Variants in NEK7 observed in about 807,000 individuals in gnomAD.
The protein encoded by NEK7 is NIMA related kinase 7.
Under a neutral mutation model 44.6 loss-of-function variants are expected in NEK7, and 18 were observed. That is an observed-to-expected ratio of 0.40 (90% CI 0.28 to 0.60). NEK7 has a LOEUF of 0.60. NEK7 is among the 20% of genes least tolerant of loss of function. The pLI is 0.38. For missense variants in NEK7, 256 were observed against 366.5 expected, an observed-to-expected ratio of 0.70 and a Z score of 2.46; for synonymous variants, 130 against 121.1, an observed-to-expected ratio of 1.07 and a Z score of -0.48.
Position 198,319,245 on chromosome 1 carries a change from G to A in NEK7, c.799-167G>A, listed in dbSNP as rs1655466339. On this transcript the variant is annotated intron_variant, in intron 9 of 9. Coordinates refer to ENST00000367385, the MANE Select transcript of NEK7 (RefSeq NM_133494.3). ...CACTTCATAGAACATTTAACTTATT[G>A]TAAGATCATTGGCAGCAGTCTTATA... 2.0e-5 allele frequency among the ~76,000 whole-genome samples: 3 copies of A among 152,280 alleles called. No homozygotes were observed. In the South Asian group the frequency reaches 6.2e-4, roughly 32 times the overall value.
At chr1:198,174,110 C>G (rs760326178) in intron 1 of NEK7, among the ~76,000 whole-genome samples, 4 of 152,284 alleles carry the variant, frequency 2.6e-5, no homozygotes, top group Non-Finnish European at 4.4e-5. Flanking sequence ...CCTAGGTTAA[C>G]TTTGCACCAT....
At position 198,280,301 on chromosome 1, in the gene NEK7, C is replaced by T. The variant is rs180839715; in HGVS notation, c.589+1240C>T. 1.3e-3 allele frequency among the ~76,000 whole-genome samples: 195 copies of T among 152,182 alleles called. 1 individual carries two copies. The highest frequency in any genetic ancestry group is 1.2e-3 in the Non-Finnish European group (80 of 67,974). Reference sequence around the variant, plus strand: ...ATCACTAGTAGATAGCATGTTTTCACTTTATATTACTCATCTGAATAGAAG... The same window carrying T: ...ATCACTAGTAGATAGCATGTTTTCATTTTATATTACTCATCTGAATAGAAG... On this transcript the variant is annotated intron_variant, in intron 7 of 9. Transcript: ENST00000367385.
At chr1:198,195,012 T>C (rs1168267380) in intron 1 of NEK7, among the ~76,000 whole-genome samples, 1 of 152,188 alleles carries the variant, frequency 6.6e-6, no homozygotes, top group Non-Finnish European at 1.5e-5. Context: ...GCCTTTTGAC[T>C]TTTTAATAGT....
chr1:198,287,859 T>C (rs1028535984), intron 7 of NEK7, among the ~76,000 whole-genome samples: 3 of 152,248 alleles, frequency 2.0e-5, no homozygotes, highest in African/African-American at 7.2e-5. Context: ...TGTTTACCTT[T>C]CTCAGTGAGA....
intron 2 of NEK7, among the ~76,000 whole-genome samples, chr1:198,235,352 A>G (rs562736290): frequency 9.2e-5 from 14 of 152,050 alleles, no homozygotes; most frequent in Non-Finnish European, 1.8e-4. Flanking sequence ...AATTTTTTCT[A>G]TCAGCTCCAC....
At chr1:198,200,689 T>C (rs1665404887) in intron 1 of NEK7, among the ~76,000 whole-genome samples, 1 of 152,100 alleles carries the variant, frequency 6.6e-6, no homozygotes, top group Non-Finnish European at 1.5e-5. Flanking sequence ...TAGCTGGGAC[T>C]ACAGGCATGT....
At chr1:198,163,904 CAT>C (rs1317664264) in intron 1 of NEK7, among the ~76,000 whole-genome samples, 1 of 152,086 alleles carries the variant, frequency 6.6e-6, no homozygotes, top group Non-Finnish European at 1.5e-5. Flanking sequence ...TGTTGAATGA[CAT>C]ATTGTTTTCA....
At chr1:198,294,799 G>C (rs1571611384) in intron 8 of NEK7, among the ~76,000 whole-genome samples, 1 of 152,086 alleles carries the variant, frequency 6.6e-6, no homozygotes, top group Admixed American at 6.5e-5. Flanking sequence ...GCTAATGTTA[G>C]TTTTCATCTC....
intron 1 of NEK7, among the ~76,000 whole-genome samples, chr1:198,209,697 C>T (rs750850737): frequency 2.6e-5 from 4 of 152,036 alleles, no homozygotes; most frequent in Non-Finnish European, 2.9e-5. Context: ...GATGGAGTCT[C>T]GCTATGTTGC....
In NEK7 at chr1:198,253,077, C is replaced by G. The variant is rs200781170; in HGVS notation, c.95C>G (p.Ala32Gly). Residue 32 changes from alanine to glycine, a missense_variant, in exon 3 of 10, where the codon GCC becomes GGC. This residue lies in a region of NEK7 where 96 missense variants were observed against 94.9 expected (regional missense o/e 1.01). Transcript: ENST00000367385. ...CCGGATATGGGCTATAATACATTAG[C>G]CAACTTTCGAATAGAAAAGAAAATT... ...LRPDMGYNTL[A>G]NFRIEKKIGR... 1 of 1,612,138 alleles carries G rather than the reference C, an allele frequency of 6.2e-7. No individual in the cohort carries two copies. Among genetic ancestry groups the G allele is most frequent in the Admixed American group, 1.7e-5 (1 of 59,866 alleles).
intron 7 of NEK7, among the ~76,000 whole-genome samples, chr1:198,280,021 A>G (rs766537654): frequency 3.0e-4 from 46 of 152,196 alleles, no homozygotes; most frequent in South Asian, 1.0e-3. Flanking sequence ...CAATTTTGTC[A>G]AATATTTTGA....
intron 2 of NEK7, 108 bp from the exon 3 acceptor site, chr1:198,252,932 C>T: frequency 1.1e-6 from 1 of 893,176 alleles, no homozygotes; most frequent in Non-Finnish European, 1.7e-6. Context: ...GAATGGATGT[C>T]TGCAAACTTA....
intron 1 of NEK7, among the ~76,000 whole-genome samples, chr1:198,217,342 A>G (rs539211243): frequency 4.6e-5 from 7 of 152,246 alleles, no homozygotes; most frequent in East Asian, 1.9e-4. Flanking sequence ...AAACAAAACC[A>G]TATAATCATC....
At chr1:198,304,359 T>G (rs1654969556) in intron 9 of NEK7, among the ~76,000 whole-genome samples, 1 of 152,220 alleles carries the variant, frequency 6.6e-6, no homozygotes, top group Non-Finnish European at 1.5e-5. Flanking sequence ...GTGTACAAGT[T>G]GGATACGCCT....
At chr1:198,225,420 T>C (rs1194604719) in intron 1 of NEK7, among the ~76,000 whole-genome samples, 1 of 152,156 alleles carries the variant, frequency 6.6e-6, no homozygotes, top group Non-Finnish European at 1.5e-5. Flanking sequence ...AGGACCCTCA[T>C]GATGGCTCTC....
At chr1:198,294,421 T>C (rs892413663) in intron 8 of NEK7, among the ~76,000 whole-genome samples, 1 of 152,126 alleles carries the variant, frequency 6.6e-6, no homozygotes, top group East Asian at 1.9e-4. Context: ...ATTTTATATT[T>C]GTTTAGTTAA....
At chr1:198,224,032 A>T (rs1192853185) in intron 1 of NEK7, among the ~76,000 whole-genome samples, 2 of 152,180 alleles carry the variant, frequency 1.3e-5, no homozygotes, top group Non-Finnish European at 2.9e-5. Context: ...CCACCTGTCA[A>T]ATTTGGTATA....
intron 1 of NEK7, among the ~76,000 whole-genome samples, chr1:198,185,154 T>G (rs1664879678): frequency 6.6e-6 from 1 of 151,122 alleles, no homozygotes; most frequent in Non-Finnish European, 1.5e-5. Context: ...TTTTCCTTTC[T>G]GAGGCACTTC....
At chr1:198,203,408 ACCCCC>A (rs1665495855) in intron 1 of NEK7, among the ~76,000 whole-genome samples, 1 of 152,178 alleles carries the variant, frequency 6.6e-6, no homozygotes, top group Admixed American at 6.5e-5. Flanking sequence ...TTCTGGTTGC[ACCCCC>A]AGGTACAGGA....
Sources: gnomAD v4.1 joint callset for allele counts (sites outside exome capture counted in the v4.1 genomes callset) on GRCh38, gnomAD v4.1.1 for gene constraint, gnomAD v4.1.1 regional missense constraint, MANE v1.5 for transcripts, NCBI Gene and HGNC (gene_info 2026-07-23, HGNC 2026-07-21) for gene names.